The following CRIM1 variants were observed in gnomAD, a reference collection of about 807,000 sequenced individuals.
CRIM1 encodes the protein cysteine rich transmembrane BMP regulator 1, also known as cysteine-rich motor neuron 1 protein.
In CRIM1, 32 loss-of-function variants were observed where a neutral mutation model predicts 116.4. The ratio of observed to expected loss-of-function variants is 0.27; its 90% CI spans 0.21 to 0.37. CRIM1 has a LOEUF of 0.37. Among genes scored for constraint, CRIM1 ranks in the 10% least tolerant of loss-of-function variants. The pLI, the probability that CRIM1 is intolerant of heterozygous loss-of-function variation, is 1.00. For synonymous variants in CRIM1, 590 were observed against 509.2 expected, an observed-to-expected ratio of 1.16 and a Z score of -2.13; for missense variants, 1,331 against 1,354.8, an observed-to-expected ratio of 0.98 and a Z score of 0.28.
chr2:36,473,604 G>A lies in CRIM1; in HGVS notation c.992-3285G>A, dbSNP rs753057350. On this transcript the variant is annotated intron_variant, in intron 5 of 16. Transcript: ENST00000280527. ...TGCCTATGATGGGTGTTTCATATAA[G>A]TAGAGTTATATAATATTAATACCTT... 6.4e-4 allele frequency among the ~76,000 whole-genome samples: 98 copies of A among 152,162 alleles called. 1 individual carries two copies. The highest frequency in any genetic ancestry group is 4.6e-4 in the Non-Finnish European group (31 of 68,004).
At chr2:36,363,327 T>A (rs1267524515) in intron 1 of CRIM1, among the ~76,000 whole-genome samples, 1 of 152,014 alleles carries the variant, frequency 6.6e-6, no homozygotes, top group Non-Finnish European at 1.5e-5. Context: ...AGTGCATCCC[T>A]AATGAGCAGT....
At chr2:36,443,112 G>A (rs1675987232) in intron 4 of CRIM1, among the ~76,000 whole-genome samples, 1 of 152,114 alleles carries the variant, frequency 6.6e-6, no homozygotes, top group Non-Finnish European at 1.5e-5. Context: ...TAAACAACAT[G>A]TTCAATGTGA....
At chr2:36,499,381 GGC>G in intron 8 of CRIM1, 34 bp downstream of exon 8, 1 of 1,602,460 alleles carries the variant, frequency 6.2e-7, no homozygotes, top group Non-Finnish European at 8.5e-7. Context: ...TTTTTTCTGA[GGC>G]CTAATATGAT....
At chr2:36,425,347 A>G (rs564975023) in intron 2 of CRIM1, among the ~76,000 whole-genome samples, 8 of 152,242 alleles carry the variant, frequency 5.3e-5, no homozygotes, top group Non-Finnish European at 1.0e-4. Context: ...ATATCAGAAG[A>G]TCAACTGCTG....
At chr2:36,367,367 G>C (rs1294331839) in intron 1 of CRIM1, among the ~76,000 whole-genome samples, 1 of 152,112 alleles carries the variant, frequency 6.6e-6, no homozygotes, top group Non-Finnish European at 1.5e-5. Context: ...GAATATTACA[G>C]AATTCTTGTA....
chr2:36,424,992 C>T (rs1369321539), intron 2 of CRIM1, among the ~76,000 whole-genome samples: 2 of 152,168 alleles, frequency 1.3e-5, no homozygotes, highest in Non-Finnish European at 2.9e-5. Flanking sequence ...CCTATTGGTA[C>T]AAGAGGACAC....
intron 1 of CRIM1, among the ~76,000 whole-genome samples, chr2:36,366,004 G>A (rs1039906996): frequency 2.6e-5 from 4 of 152,208 alleles, no homozygotes; most frequent in Admixed American, 6.5e-5. Flanking sequence ...GGGATTACAG[G>A]CGTGAGCCAC....
At chr2:36,418,476 G>A (rs895797644) in intron 2 of CRIM1, among the ~76,000 whole-genome samples, 1 of 152,090 alleles carries the variant, frequency 6.6e-6, no homozygotes. Context: ...TTGTAAAGAT[G>A]GCATTTCACT....
intron 8 of CRIM1, among the ~76,000 whole-genome samples, chr2:36,506,178 CT>C: frequency 1.2e-5 from 1 of 83,108 alleles, no homozygotes; most frequent in Admixed American, 1.2e-4. Context: ...CTCTCTCTCT[CT>C]CTCACACACA....
intron 12 of CRIM1, among the ~76,000 whole-genome samples, chr2:36,519,987 C>T (rs905846430): frequency 6.6e-6 from 1 of 151,974 alleles, no homozygotes; most frequent in Admixed American, 6.6e-5. Context: ...AAGGAGTAAA[C>T]GTTTGGAAAC....
intron 13 of CRIM1, among the ~76,000 whole-genome samples, chr2:36,525,094 A>G (rs906134984): frequency 1.3e-5 from 2 of 152,126 alleles, no homozygotes; most frequent in Admixed American, 6.5e-5. Flanking sequence ...TCAGGGGACC[A>G]TGTTGGGAAG....
chr2:36,384,229 C>T (rs142926344), intron 1 of CRIM1, among the ~76,000 whole-genome samples: 1 of 152,352 alleles, frequency 6.6e-6, no homozygotes, highest in East Asian at 1.9e-4. Flanking sequence ...AGAGGGAACA[C>T]AAGTGCCAAA....
chr2:36,471,019 T>G (rs1356899953), intron 5 of CRIM1, among the ~76,000 whole-genome samples: 2 of 152,196 alleles, frequency 1.3e-5, no homozygotes, highest in African/African-American at 4.8e-5. Flanking sequence ...AAGAAGTAAC[T>G]GCAGATGTAG....
chr2:36,488,129 G>A (rs560883205), intron 7 of CRIM1, among the ~76,000 whole-genome samples: 2 of 152,294 alleles, frequency 1.3e-5, no homozygotes, highest in South Asian at 2.1e-4. Context: ...TAGCACTGAA[G>A]ATAGTGAAAA....
intron 13 of CRIM1, among the ~76,000 whole-genome samples, chr2:36,536,875 C>T (rs917826204): frequency 1.8e-4 from 27 of 151,896 alleles, no homozygotes; most frequent in African/African-American, 1.2e-4. Context: ...GAGAAATCTA[C>T]GCAGCATCCC....
At position 36,441,402 on chromosome 2, in the gene CRIM1, G is replaced by C. The variant is rs1185340474; in HGVS notation, c.650G>C (p.Cys217Ser). The part of the protein sequence containing the change: ...PSRCVCNPAG[C>S]LRKVCQPGNL... ...CGCTGCGTGTGCAACCCCGCAGGCT[G>C]TCTGCGCAAAGTCTGCCAGCCGGGA... The change falls in exon 3 of 17, where the codon TGT (cysteine) becomes TCT (serine). Residue 217 changes from cysteine (C) to serine (S), a missense_variant. Cys to Ser is a moderately radical substitution (Grantham distance 112). Coordinates refer to ENST00000280527, the MANE Select transcript of CRIM1 (RefSeq NM_016441.3). 3 of 1,614,080 alleles carry C rather than the reference G, an allele frequency of 1.9e-6. No homozygotes were observed. Among genetic ancestry groups the C allele is most frequent in the Non-Finnish European group, 2.5e-6 (3 of 1,180,052 alleles).
intron 7 of CRIM1, among the ~76,000 whole-genome samples, chr2:36,479,995 C>A (rs1223452937): frequency 6.6e-6 from 1 of 152,190 alleles, no homozygotes; most frequent in East Asian, 1.9e-4. Flanking sequence ...ACCCAAAGGT[C>A]AGCCTAACAA....
chr2:36,526,199 G>A (rs1439570749), intron 13 of CRIM1, among the ~76,000 whole-genome samples: 1 of 151,946 alleles, frequency 6.6e-6, no homozygotes, highest in Non-Finnish European at 1.5e-5. Flanking sequence ...TTGTACTCTG[G>A]TTTTCTAAGT....
intron 7 of CRIM1, among the ~76,000 whole-genome samples, chr2:36,497,418 T>C (rs1558370790): frequency 6.6e-6 from 1 of 152,132 alleles, no homozygotes; most frequent in Non-Finnish European, 1.5e-5. Context: ...TGGAATAGAA[T>C]CATTATTTGG....
Sources: gnomAD v4.1 joint callset for allele counts (sites outside exome capture counted in the v4.1 genomes callset) on GRCh38, gnomAD v4.1.1 for gene constraint, MANE v1.5 for transcripts, NCBI Gene and HGNC (gene_info 2026-07-23, HGNC 2026-07-21) for gene names.